The following DCBLD2 variants were observed in gnomAD, a reference collection of about 807,000 sequenced individuals.
DCBLD2 encodes the protein discoidin, CUB and LCCL domain-containing protein 2.
Under a neutral mutation model 86.8 loss-of-function variants are expected in DCBLD2, and 54 were observed. That is an observed-to-expected ratio of 0.62 (90% CI 0.50 to 0.78). The LOEUF (loss-of-function observed/expected upper bound fraction) is 0.78. DCBLD2 is among the 30% of genes least tolerant of loss of function. The probability of loss-of-function intolerance (pLI) is 0.00; values close to 1 mark genes in which losing one functional copy is unlikely to be tolerated. For missense variants in DCBLD2, 908 were observed against 954.2 expected (o/e 0.95, Z 0.64); for synonymous variants, 354 against 341.3 (o/e 1.04, Z -0.41).
intron 2 of DCBLD2, among the ~76,000 whole-genome samples, chr3:98,867,474 C>T (rs1468280040): frequency 2.0e-5 from 3 of 152,068 alleles, no homozygotes; most frequent in African/African-American, 7.2e-5. Flanking sequence ...ATTTTCATGT[C>T]ACTTAAAAAA....
At chr3:98,870,192 G>C (rs1943233827) in intron 2 of DCBLD2, among the ~76,000 whole-genome samples, 1 of 152,154 alleles carries the variant, frequency 6.6e-6, no homozygotes, top group African/African-American at 2.4e-5. Flanking sequence ...TGAATGAATA[G>C]GGTGTCCTTT....
chr3:98,862,554 G>C (rs1332142782), intron 2 of DCBLD2, among the ~76,000 whole-genome samples: 1 of 152,190 alleles, frequency 6.6e-6, no homozygotes, highest in Non-Finnish European at 1.5e-5. Flanking sequence ...GGGATGCAAG[G>C]CTGGTTGAAC....
In DCBLD2 at chr3:98,849,489, C is replaced by A. The variant is rs1942793281; in HGVS notation, c.543G>T (p.Leu181Phe). The change falls in exon 3 of 16, where the codon TTG becomes TTT. Residue 181 changes from leucine (L) to phenylalanine (F), a missense_variant. Leu to Phe is a conservative substitution (Grantham distance 22). This residue lies in a region of DCBLD2 where 294 missense variants were observed against 256.0 expected (regional missense o/e 1.15). Coordinates refer to ENST00000326840, the MANE Select transcript of DCBLD2 (RefSeq NM_080927.4). ...GTTTATCTATAACAGAGTATGAGGC[C>A]AAAAATCCGCGTCCAGAAACATGGA... ...SGIHVSGRGF[L>F]ASYSVIDKQD... 6 of 1,613,754 alleles carry A rather than the reference C, an allele frequency of 3.7e-6. No individual in the cohort carries two copies. In the East Asian group the frequency reaches 1.3e-4, roughly 36 times the overall value.
Position 98,799,217 on chromosome 3 carries a change from G to T in DCBLD2, c.*155C>A. On this transcript the variant is annotated 3_prime_UTR_variant, in exon 16 of 16. Transcript: ENST00000326840. Reference sequence around the variant, plus strand: ...CACCATAACACCTTAAAGCAAGATGGCAAGATTAGTAGTTTCCTGTACCTC... The same window carrying T: ...CACCATAACACCTTAAAGCAAGATGTCAAGATTAGTAGTTTCCTGTACCTC... 1.3e-6 allele frequency: 1 copy of T among 757,832 alleles called. No individual in the cohort carries two copies. The highest frequency in any genetic ancestry group is 2.1e-6 in the Non-Finnish European group (1 of 485,672). 46.9% of individuals were successfully genotyped at this position (757,832 alleles called of 1,614,324 possible).
rs374307805 is a variant in DCBLD2, at chr3:98,881,663, G to T, written c.310C>A (p.Arg104Ser). 86 of 1,613,656 alleles carry T rather than the reference G, an allele frequency of 5.3e-5. No homozygotes were observed. The highest frequency in any genetic ancestry group is 7.0e-5 in the Non-Finnish European group (83 of 1,179,834). Residue 104 changes from arginine (R) to serine (S), a missense_variant, in exon 2 of 16, where the codon CGT becomes AGT. Coordinates refer to ENST00000326840, the MANE Select transcript of DCBLD2 (RefSeq NM_080927.4). Reference sequence around the variant, plus strand: ...CGAACTCTCTCTCCCATCTTTACACGGATCTCCCATTCACAAACAGTGCTG... The same window carrying T: ...CGAACTCTCTCTCCCATCTTTACACTGATCTCCCATTCACAAACAGTGCTG... ...PNSTVCEWEI[R>S]VKMGERVRIK...
At chr3:98,841,979 C>T (rs1285792565) in intron 3 of DCBLD2, among the ~76,000 whole-genome samples, 2 of 152,102 alleles carry the variant, frequency 1.3e-5, no homozygotes, top group African/African-American at 2.4e-5. Context: ...GCAGGAGAAT[C>T]GCTTGAACCC....
chr3:98,858,521 A>G (rs1942979706), intron 2 of DCBLD2, among the ~76,000 whole-genome samples: 2 of 152,258 alleles, frequency 1.3e-5, no homozygotes, highest in African/African-American at 4.8e-5. Flanking sequence ...AAAGCAATGG[A>G]ACAAATATTA....
At chr3:98,844,771 T>C (rs551847732) in intron 3 of DCBLD2, among the ~76,000 whole-genome samples, 113 of 152,326 alleles carry the variant, frequency 7.4e-4, no homozygotes, top group African/African-American at 2.7e-3. Context: ...GGAGTTTCTA[T>C]AGAGCTTCTA....
At chr3:98,848,706 T>C (rs1014618889) in intron 3 of DCBLD2, among the ~76,000 whole-genome samples, 7 of 152,192 alleles carry the variant, frequency 4.6e-5, no homozygotes, top group Non-Finnish European at 1.0e-4. Context: ...AAATATCCCA[T>C]GTTTATTTCA....
chr3:98,831,309 C>T (rs2107459048), intron 3 of DCBLD2, among the ~76,000 whole-genome samples: 1 of 151,998 alleles, frequency 6.6e-6, no homozygotes, highest in African/African-American at 2.4e-5. Context: ...ACCTTGGCCT[C>T]CAAAGTGCTG....
chr3:98,844,833 C>T (rs192031069), intron 3 of DCBLD2, among the ~76,000 whole-genome samples: 2 of 152,174 alleles, frequency 1.3e-5, no homozygotes, highest in African/African-American at 4.8e-5. Context: ...TCCACATACA[C>T]GTTCAAATTT....
At position 98,859,106 on chromosome 3, in the gene DCBLD2, C is replaced by G. The variant is rs374696043; in HGVS notation, c.434-9508G>C. The stretch of plus-strand genomic sequence containing the variant: ...CCCACGCCTGGCTCGGAGGGTCCTA[C>G]GCCAACGGAGGCTCACTCATTGCTA... On this transcript the variant is annotated intron_variant, in intron 2 of 15. Coordinates refer to ENST00000326840, the MANE Select transcript of DCBLD2 (RefSeq NM_080927.4). Among the ~76,000 whole-genome samples, 12 of 152,292 alleles carry G rather than the reference C, an allele frequency of 7.9e-5. No individual in the cohort carries two copies. In the East Asian group the frequency reaches 1.7e-3, roughly 22 times the overall value.
intron 2 of DCBLD2, among the ~76,000 whole-genome samples, chr3:98,859,344 A>C (rs1942996890): frequency 6.6e-6 from 1 of 152,232 alleles, no homozygotes; most frequent in Admixed American, 6.5e-5. Context: ...CTACAGACTT[A>C]AATGTCCCTG....
At chr3:98,837,923 C>T (rs1249360268) in intron 3 of DCBLD2, among the ~76,000 whole-genome samples, 6 of 59,074 alleles carry the variant, frequency 1.0e-4, no homozygotes, top group African/African-American at 4.3e-4. Context: ...GGGGTGCTGA[C>T]CCCCCCATCT....
chr3:98,799,511 G>T lies in DCBLD2; in HGVS notation c.2189C>A (p.Ala730Asp), dbSNP rs1460313220. Residue 730 changes from alanine to aspartate, a missense_variant, in exon 16 of 16, where the codon GCC becomes GAC. Ala to Asp is a moderately radical substitution (Grantham distance 126). Transcript: ENST00000326840. ...CCCAGCTTTCGGGGTATCATACTGG[G>T]CCTGGGCTGAGGAGCAGCTGTCAGT... ...SRTDSCSSAQ[A>D]QYDTPKAGKP... 1.9e-6 allele frequency: 3 copies of T among 1,613,970 alleles called. No individual in the cohort carries two copies. The highest frequency in any genetic ancestry group is 2.5e-6 in the Non-Finnish European group (3 of 1,179,888).
chr3:98,881,603 C>G lies in DCBLD2; in HGVS notation c.370G>C (p.Asp124His), dbSNP rs759845356. ...KFGDFDIEDS[D>H]SCHFNYLRIY... The stretch of plus-strand genomic sequence containing the variant: ...CTCAAGTAATTAAAGTGACAAGAAT[C>G]AGAATCTTCAATGTCAAAGTCACCA... The change falls in exon 2 of 16, where the codon GAT becomes CAT. Residue 124 changes from aspartate (D) to histidine (H), a missense_variant. Asp to His is a moderately conservative substitution (Grantham distance 81). Transcript: ENST00000326840. 1 of 1,613,906 alleles carries G rather than the reference C, an allele frequency of 6.2e-7. No individual in the cohort carries two copies. Among genetic ancestry groups the G allele is most frequent in the South Asian group, 1.1e-5 (1 of 91,080 alleles).
chr3:98,817,995 C>G, intron 8 of DCBLD2, 102 bp from the exon 9 acceptor site: 1 of 1,378,898 alleles, frequency 7.3e-7, no homozygotes, highest in Middle Eastern at 1.9e-4. Flanking sequence ...TCGAACATTT[C>G]TAATTATGGC....
intron 5 of DCBLD2, 138 bp from the exon 6 acceptor site, chr3:98,822,499 C>A: frequency 7.7e-7 from 1 of 1,291,772 alleles, no homozygotes; most frequent in East Asian, 2.5e-5. Context: ...ATTATTGGTA[C>A]TGTAACACAA....
At chr3:98,821,988 G>C (rs1942127615) in intron 6 of DCBLD2, 1 of 499,532 alleles carries the variant, frequency 2.0e-6, no homozygotes, top group Non-Finnish European at 3.8e-6. Flanking sequence ...AGAGGTTGCA[G>C]TGAGCCGAGA....
Sources: gnomAD v4.1 joint callset for allele counts (sites outside exome capture counted in the v4.1 genomes callset) on GRCh38, gnomAD v4.1.1 for gene constraint, gnomAD v4.1.1 regional missense constraint, MANE v1.5 for transcripts, NCBI Gene and HGNC (gene_info 2026-07-23, HGNC 2026-07-21) for gene names.